FCHSD2: variants seen among roughly 807,000 people sequenced by gnomAD.
The protein encoded by FCHSD2 is FCH and double SH3 domains 2, also known as F-BAR and double SH3 domains protein 2.
FCHSD2 carries 38 observed loss-of-function variants against 108.1 expected under a neutral mutation model. That is an observed-to-expected ratio of 0.35 (90% CI 0.27 to 0.46). The LOEUF (loss-of-function observed/expected upper bound fraction) is 0.46. Among genes scored for constraint, FCHSD2 ranks in the 20% least tolerant of loss-of-function variants. The probability of loss-of-function intolerance (pLI) is 1.00; values close to 1 mark genes in which losing one functional copy is unlikely to be tolerated. For synonymous variants in FCHSD2, 279 were observed against 314.7 expected (o/e 0.89, Z 1.20); for missense variants, 751 against 897.8 (o/e 0.84, Z 2.09).
chr11:73,068,941 G>T (rs1016414390), intron 3 of FCHSD2, among the ~76,000 whole-genome samples: 2 of 151,234 alleles, frequency 1.3e-5, no homozygotes, highest in African/African-American at 4.9e-5. Context: ...CTTAAGTAAA[G>T]AAGGTCGAGG....
intron 8 of FCHSD2, among the ~76,000 whole-genome samples, chr11:72,967,090 C>G (rs906985911): frequency 4.6e-5 from 7 of 151,962 alleles, no homozygotes; most frequent in African/African-American, 1.7e-4. Flanking sequence ...GTCCCAGCTA[C>G]TCAGGAGGCT....
At chr11:72,996,174 T>C (rs1217929194) in intron 5 of FCHSD2, among the ~76,000 whole-genome samples, 2 of 152,218 alleles carry the variant, frequency 1.3e-5, no homozygotes, top group Non-Finnish European at 2.9e-5. Flanking sequence ...TTTAAAAGCA[T>C]TGTACAGGAT....
intron 2 of FCHSD2, among the ~76,000 whole-genome samples, chr11:73,095,277 C>G (rs1860048422): frequency 6.6e-6 from 1 of 152,230 alleles, no homozygotes; most frequent in South Asian, 2.1e-4. Flanking sequence ...TTATAAAGGA[C>G]TTGGGATAAA....
chr11:73,043,076 C>T (rs931633657), intron 3 of FCHSD2, among the ~76,000 whole-genome samples: 2 of 152,174 alleles, frequency 1.3e-5, no homozygotes, highest in African/African-American at 2.4e-5. Context: ...CTGGCTAGAA[C>T]TTCTGCCACA....
At chr11:73,036,430 T>G (rs1209333061) in intron 3 of FCHSD2, among the ~76,000 whole-genome samples, 1 of 152,160 alleles carries the variant, frequency 6.6e-6, no homozygotes, top group Non-Finnish European at 1.5e-5. Flanking sequence ...CAAGCTCTAC[T>G]ATTTATTTAT....
chr11:72,899,418 T>C (rs918798858), intron 10 of FCHSD2, among the ~76,000 whole-genome samples: 9 of 152,018 alleles, frequency 5.9e-5, no homozygotes, highest in African/African-American at 2.2e-4. Flanking sequence ...ATTAGGGAAA[T>C]GCAAACCAGA....
At chr11:73,089,507 A>G (rs1183660301) in intron 2 of FCHSD2, among the ~76,000 whole-genome samples, 2 of 152,228 alleles carry the variant, frequency 1.3e-5, no homozygotes. Context: ...CATTATTCAT[A>G]ATATCCAAAC....
At chr11:72,941,110 T>A (rs1856408656) in intron 8 of FCHSD2, 3 of 513,646 alleles carry the variant, frequency 5.8e-6, no homozygotes, top group African/African-American at 1.9e-5. Context: ...CTGTTACCAC[T>A]AATATAAGTA....
In FCHSD2 at chr11:72,866,541, A is replaced by G. The variant is rs545685562; in HGVS notation, c.1308+1324T>C. ...TGCCTTGGCCTCCCAAAGTGCTGGG[A>G]TTACAGGTGTGAATCACCATGCACG... is the stretch of plus-strand genomic sequence containing the variant. On this transcript the variant is annotated intron_variant, in intron 13 of 19. Coordinates refer to ENST00000409418, the MANE Select transcript of FCHSD2 (RefSeq NM_014824.3). Among the ~76,000 whole-genome samples, 31 of 152,294 alleles carry G rather than the reference A, an allele frequency of 2.0e-4. No individual in the cohort carries two copies. The Middle Eastern group carries it at 0.01, about 50-fold the overall frequency.
intron 2 of FCHSD2, among the ~76,000 whole-genome samples, chr11:73,114,815 ACT>A (rs1860567441): frequency 6.6e-6 from 1 of 151,798 alleles, no homozygotes; most frequent in Non-Finnish European, 1.5e-5. Context: ...AGTCCTCTTT[ACT>A]CTTACCTCTC....
At chr11:73,112,777 T>G (rs1860517762) in intron 2 of FCHSD2, among the ~76,000 whole-genome samples, 1 of 152,154 alleles carries the variant, frequency 6.6e-6, no homozygotes, top group Admixed American at 6.5e-5. Flanking sequence ...GCCTCCTGAG[T>G]AGCTGGGGTT....
In FCHSD2 at chr11:72,989,077, C is replaced by T; in HGVS notation, c.408G>A (p.Lys136=). 1 of 1,608,546 alleles carries T rather than the reference C, an allele frequency of 6.2e-7. No homozygotes were observed. Residue 136 remains lysine, a synonymous_variant, in exon 6 of 20, where the codon AAG becomes AAA. Coordinates refer to ENST00000409418, the MANE Select transcript of FCHSD2 (RefSeq NM_014824.3). ...CTGTCTCTTGTAATTCAGTTTGGAT[C>T]TTTGTCAACTGGTCCACACACTGTA... The part of the protein sequence containing the change: ...QLKRCVDQLT[K]IQTELQETVK...
intron 4 of FCHSD2, among the ~76,000 whole-genome samples, chr11:73,010,284 A>C (rs1188092939): frequency 6.6e-6 from 1 of 152,020 alleles, no homozygotes; most frequent in Non-Finnish European, 1.5e-5. Context: ...TAAATTTCTC[A>C]TTCATATCCT....
intron 10 of FCHSD2, among the ~76,000 whole-genome samples, chr11:72,896,470 G>C (rs1855419758): frequency 6.6e-6 from 1 of 152,190 alleles, no homozygotes. Context: ...GTAATGAAAG[G>C]ATAGGTCACT....
chr11:72,934,312 C>A (rs1396225638), intron 8 of FCHSD2, among the ~76,000 whole-genome samples: 1 of 150,968 alleles, frequency 6.6e-6, no homozygotes, highest in Non-Finnish European at 1.5e-5. Context: ...TTCAAAGAGA[C>A]CTCTATGAAG....
At chr11:72,941,245 C>T (rs1856412162) in intron 8 of FCHSD2, 1 of 208,190 alleles carries the variant, frequency 4.8e-6, no homozygotes, top group Admixed American at 5.3e-5. Context: ...CTATGTGTCC[C>T]CAGTAAATGA....
At chr11:72,907,960 T>C (rs1391949470) in intron 9 of FCHSD2, among the ~76,000 whole-genome samples, 1 of 152,194 alleles carries the variant, frequency 6.6e-6, no homozygotes, top group African/African-American at 2.4e-5. Flanking sequence ...TCATCGAATA[T>C]AGATCTTATT....
At chr11:73,138,435 A>C (rs1861172678) in intron 2 of FCHSD2, among the ~76,000 whole-genome samples, 1 of 152,090 alleles carries the variant, frequency 6.6e-6, no homozygotes, top group Non-Finnish European at 1.5e-5. Flanking sequence ...ACAACTACTG[A>C]CCACCCATAC....
At chr11:73,085,057 T>G (rs929445196) in intron 2 of FCHSD2, among the ~76,000 whole-genome samples, 1 of 152,194 alleles carries the variant, frequency 6.6e-6, no homozygotes, top group Non-Finnish European at 1.5e-5. Flanking sequence ...ATGACTTGAT[T>G]TCTTATATAA....
Sources: allele counts gnomAD v4.1 joint callset (sites outside exome capture counted in the v4.1 genomes callset), GRCh38; gene constraint gnomAD v4.1.1; transcripts MANE v1.5; gene names NCBI Gene and HGNC (gene_info 2026-07-23, HGNC 2026-07-21).